Variants in PIGN observed in about 807,000 individuals in gnomAD.
The protein encoded by PIGN is phosphatidylinositol glycan anchor biosynthesis class N.
Under a neutral mutation model 125.4 loss-of-function variants are expected in PIGN, and 117 were observed. The ratio of observed to expected loss-of-function variants is 0.93; its 90% CI spans 0.80 to 1.09. PIGN has a LOEUF of 1.09. PIGN is among the 50% of genes least tolerant of loss of function. The pLI is 0.00. For missense variants in PIGN, 1,075 were observed against 1,094.9 expected, an observed-to-expected ratio of 0.98 and a Z score of 0.26; for synonymous variants, 392 against 377.8, an observed-to-expected ratio of 1.04 and a Z score of -0.44.
chr18:62,115,949 CA>C (rs1163616943), intron 14 of PIGN, among the ~76,000 whole-genome samples: 1 of 151,824 alleles, frequency 6.6e-6, no homozygotes, highest in Non-Finnish European at 1.5e-5. Context: ...CTCATTTCTA[CA>C]AAAAATAAAA....
At chr18:62,157,647 C>G (rs1356287823) in intron 5 of PIGN, 40 bp downstream of exon 5, 2 of 1,576,946 alleles carry the variant, frequency 1.3e-6, no homozygotes, top group Non-Finnish European at 1.7e-6. Context: ...ATTTACTTGA[C>G]AAATTTTTCA....
intron 23 of PIGN, among the ~76,000 whole-genome samples, chr18:62,025,809 C>A (rs1389084687): frequency 2.0e-5 from 3 of 152,232 alleles, no homozygotes; most frequent in Non-Finnish European, 4.4e-5. Flanking sequence ...CCCCCTCAGC[C>A]CCTACATCCA....
intron 3 of PIGN, among the ~76,000 whole-genome samples, 194 bp downstream of exon 3, chr18:62,162,059 A>G (rs1424269827): frequency 6.6e-6 from 1 of 152,144 alleles, no homozygotes; most frequent in Non-Finnish European, 1.5e-5. Flanking sequence ...CCCTGAATCA[A>G]TCAAAAAGGT....
intron 6 of PIGN, among the ~76,000 whole-genome samples, chr18:62,156,407 CAG>C (rs1203140998): frequency 6.6e-6 from 1 of 152,122 alleles, no homozygotes; most frequent in East Asian, 1.9e-4. Flanking sequence ...TGGCTCACTG[CAG>C]CCTCAACATC....
intron 23 of PIGN, among the ~76,000 whole-genome samples, chr18:62,091,968 T>C (rs1333046857): frequency 6.6e-6 from 1 of 152,168 alleles, no homozygotes. Flanking sequence ...GTCTTTCAAC[T>C]ACTGAACTCT....
At chr18:62,094,859 G>A (rs1055370475) in intron 23 of PIGN, among the ~76,000 whole-genome samples, 11 of 152,218 alleles carry the variant, frequency 7.2e-5, no homozygotes, top group African/African-American at 2.4e-4. Flanking sequence ...TGAAAAAAAG[G>A]TTTAGGGCCC....
intron 26 of PIGN, among the ~76,000 whole-genome samples, chr18:62,084,838 T>C (rs1036315102): frequency 1.3e-5 from 2 of 152,222 alleles, no homozygotes; most frequent in East Asian, 3.8e-4. Context: ...CTGGGTGCCG[T>C]GGCTCACGCC....
chr18:62,167,188 G>A (rs965901716), intron 1 of PIGN, among the ~76,000 whole-genome samples: 1 of 147,708 alleles, frequency 6.8e-6, no homozygotes, highest in South Asian at 2.2e-4. Flanking sequence ...GAGCAGGAGC[G>A]CTCTCTCTCT....
intron 1 of PIGN, among the ~76,000 whole-genome samples, chr18:62,165,940 C>G (rs1173927014): frequency 6.6e-6 from 1 of 152,034 alleles, no homozygotes; most frequent in African/African-American, 2.4e-5. Context: ...ATGAGCACAA[C>G]TCTTTGGGAG....
intron 22 of PIGN, 119 bp from the exon 23 acceptor site, chr18:62,096,069 C>T (rs780988738): frequency 3.1e-5 from 17 of 541,252 alleles, no homozygotes; most frequent in Non-Finnish European, 3.8e-5. Flanking sequence ...CCGAGGTGGG[C>T]AGATCACCTG....
chr18:62,171,267 A>AT (rs1172881132), intron 1 of PIGN, among the ~76,000 whole-genome samples: 1 of 152,098 alleles, frequency 6.6e-6, no homozygotes, highest in Non-Finnish European at 1.5e-5. Flanking sequence ...TTGTAATGTT[A>AT]TTTTTTATTT....
intron 7 of PIGN, chr18:62,153,407 A>G (rs544853239): frequency 6.1e-4 from 93 of 152,324 alleles, no homozygotes; most frequent in Non-Finnish European, 1.2e-3. Flanking sequence ...GTGTTGAAAT[A>G]AAGAAAGGAA....
At chr18:62,103,479 G>A (rs1264375276) in intron 20 of PIGN, 2 of 152,184 alleles carry the variant, frequency 1.3e-5, no homozygotes, top group Non-Finnish European at 2.9e-5. Context: ...TGAGGCATTT[G>A]TACAGTAATG....
chr18:62,146,331 C>G (rs1014559679), intron 9 of PIGN, among the ~76,000 whole-genome samples: 2 of 152,162 alleles, frequency 1.3e-5, no homozygotes, highest in Non-Finnish European at 2.9e-5. Flanking sequence ...GCTGCCAGAG[C>G]AGCACTGCAG....
At chr18:62,063,886 C>T (rs1298592485) in intron 30 of PIGN, among the ~76,000 whole-genome samples, 2 of 134,380 alleles carry the variant, frequency 1.5e-5, no homozygotes, top group African/African-American at 5.7e-5. Flanking sequence ...AATGAGAACA[C>T]TTGGACACAG....
intron 24 of PIGN, among the ~76,000 whole-genome samples, chr18:62,089,815 G>C (rs2033875483): frequency 2.0e-5 from 3 of 152,176 alleles, no homozygotes; most frequent in South Asian, 4.1e-4. Flanking sequence ...TCCGACCTTA[G>C]TAAAACTGCA....
At chr18:62,035,152 T>C (rs766428950) in intron 23 of PIGN, among the ~76,000 whole-genome samples, 1 of 152,156 alleles carries the variant, frequency 6.6e-6, no homozygotes, top group Admixed American at 6.5e-5. Context: ...ATGACTTTGC[T>C]CCTCATTCAC....
intron 1 of PIGN, among the ~76,000 whole-genome samples, chr18:62,183,291 TA>T (rs1330846566): frequency 2.0e-5 from 3 of 152,082 alleles, no homozygotes. Context: ...CCTTTTCACC[TA>T]CTAATCTAGA....
intron 14 of PIGN, among the ~76,000 whole-genome samples, chr18:62,116,349 G>A (rs776736456): frequency 6.6e-6 from 1 of 152,118 alleles, no homozygotes; most frequent in East Asian, 1.9e-4. Flanking sequence ...AATACTGATT[G>A]CATCCTCTCA....
Sources: gnomAD v4.1 joint callset for allele counts (sites outside exome capture counted in the v4.1 genomes callset) on GRCh38, gnomAD v4.1.1 for gene constraint, MANE v1.5 for transcripts, NCBI Gene and HGNC (gene_info 2026-07-23, HGNC 2026-07-21) for gene names.